FGF12: variants seen among roughly 807,000 people sequenced by gnomAD.
The protein encoded by FGF12 is fibroblast growth factor 12.
A neutral mutation model predicts 23.6 loss-of-function variants in FGF12; 14 were observed. That is an observed-to-expected ratio of 0.59 (90% CI 0.39 to 0.93). The LOEUF is 0.93. Among genes scored for constraint, FGF12 ranks in the 40% least tolerant of loss-of-function variants. The pLI, the probability that FGF12 is intolerant of heterozygous loss-of-function variation, is 0.00. For synonymous variants in FGF12, 62 were observed against 77.3 expected, an observed-to-expected ratio of 0.80 and a Z score of 1.04; for missense variants, 175 against 217.8, an observed-to-expected ratio of 0.80 and a Z score of 1.24.
intron 2 of FGF12, among the ~76,000 whole-genome samples, chr3:192,668,818 C>T (rs545941408): frequency 1.3e-5 from 2 of 152,152 alleles, no homozygotes; most frequent in South Asian, 4.2e-4. Flanking sequence ...CAACCAGATC[C>T]AACAAACAGG....
intron 2 of FGF12, among the ~76,000 whole-genome samples, chr3:192,660,775 A>C (rs1398374508): frequency 6.6e-6 from 1 of 151,804 alleles, no homozygotes; most frequent in Non-Finnish European, 1.5e-5. Context: ...CTTTGTACAA[A>C]TCTATTACAC....
chr3:192,430,407 C>T (rs1576976222), intron 2 of FGF12, among the ~76,000 whole-genome samples: 2 of 152,120 alleles, frequency 1.3e-5, no homozygotes, highest in Admixed American at 1.3e-4. Flanking sequence ...AGTTTCGGTT[C>T]TGCAAGATGA....
chr3:192,650,517 C>T (rs866037767), intron 2 of FGF12, among the ~76,000 whole-genome samples: 1 of 152,182 alleles, frequency 6.6e-6, no homozygotes, highest in Non-Finnish European at 1.5e-5. Flanking sequence ...TGTACTTGTG[C>T]CAACCCTATA....
intron 4 of FGF12, among the ~76,000 whole-genome samples, chr3:192,192,293 C>A (rs972038648): frequency 2.6e-5 from 4 of 151,778 alleles, no homozygotes; most frequent in Non-Finnish European, 5.9e-5. Flanking sequence ...GGGAAATTAT[C>A]TTTCTCTCAT....
chr3:192,278,844 A>C (rs1264122276), intron 4 of FGF12, among the ~76,000 whole-genome samples: 1 of 152,168 alleles, frequency 6.6e-6, no homozygotes, highest in Non-Finnish European at 1.5e-5. Context: ...CCAATCAAGT[A>C]ACAATTCTCT....
At position 192,394,907 on chromosome 3, in the gene FGF12, G is replaced by A. The variant is rs992335390; in HGVS notation, c.14-34369C>T. ...AGAACCTTTTCCATTAAACCCAATC[G>A]ATACTGTATTTCCCCATCACTTAGC... is the stretch of plus-strand genomic sequence containing the variant. On this transcript the variant is annotated intron_variant, in intron 2 of 5. Coordinates refer to ENST00000445105, the MANE Select transcript of FGF12 (RefSeq NM_004113.6). Among the ~76,000 whole-genome samples, 5 of 152,122 alleles carry A rather than the reference G, an allele frequency of 3.3e-5. No individual in the cohort carries two copies. The East Asian group carries it at 7.7e-4, about 23-fold the overall frequency.
intron 2 of FGF12, chr3:192,672,991 T>C (rs992735781): frequency 2.0e-5 from 3 of 150,728 alleles, no homozygotes; most frequent in Admixed American, 6.7e-5. Context: ...GCAGCTGTAG[T>C]GGTTTTGCAA....
intron 2 of FGF12, among the ~76,000 whole-genome samples, chr3:192,532,051 T>C (rs764221911): frequency 7.2e-5 from 11 of 152,204 alleles, no homozygotes; most frequent in Non-Finnish European, 1.5e-4. Context: ...TGAAGATCAA[T>C]TAGCTATAAG....
At chr3:192,700,720 T>C (rs1456482581) in intron 2 of FGF12, among the ~76,000 whole-genome samples, 1 of 152,108 alleles carries the variant, frequency 6.6e-6, no homozygotes, top group Non-Finnish European at 1.5e-5. Flanking sequence ...GGAACTCTAG[T>C]TTAGGCCATG....
intron 2 of FGF12, among the ~76,000 whole-genome samples, chr3:192,693,322 TTAA>T (rs1456568889): frequency 2.0e-5 from 3 of 152,194 alleles, no homozygotes; most frequent in Admixed American, 6.5e-5. Context: ...TATTGAAATA[TTAA>T]TAATGTTAAA....
intron 4 of FGF12, among the ~76,000 whole-genome samples, chr3:192,291,013 T>C (rs1409080944): frequency 2.6e-5 from 4 of 152,118 alleles, no homozygotes; most frequent in Admixed American, 2.6e-4. Context: ...TGTGTATTTA[T>C]CTATCTATCT....
chr3:192,574,312 T>A (rs529184355), intron 2 of FGF12, among the ~76,000 whole-genome samples: 2 of 152,236 alleles, frequency 1.3e-5, no homozygotes, highest in Admixed American at 6.5e-5. Flanking sequence ...GCCTGCTATA[T>A]AATGAAGCCT....
At chr3:192,394,702 T>C (rs1720447139) in intron 2 of FGF12, among the ~76,000 whole-genome samples, 1 of 152,200 alleles carries the variant, frequency 6.6e-6, no homozygotes, top group African/African-American at 2.4e-5. Context: ...TACCTTAGAC[T>C]GAATCAAAAA....
At chr3:192,618,079 T>C (rs1435716175) in intron 2 of FGF12, among the ~76,000 whole-genome samples, 1 of 152,112 alleles carries the variant, frequency 6.6e-6, no homozygotes, top group Non-Finnish European at 1.5e-5. Flanking sequence ...ATAAATCGCT[T>C]GGAATGGAAG....
Position 192,387,981 on chromosome 3 carries a change from C to A in FGF12, c.14-27443G>T, listed in dbSNP as rs1002055766. Reference sequence around the variant, plus strand: ...TTTATATAATTGAACATACATAAGGCCGGAGGGGTGTCTCACACCTGAATC... The same window carrying A: ...TTTATATAATTGAACATACATAAGGACGGAGGGGTGTCTCACACCTGAATC... On this transcript the variant is annotated intron_variant, in intron 2 of 5. Coordinates refer to ENST00000445105, the MANE Select transcript of FGF12 (RefSeq NM_004113.6). Among the ~76,000 whole-genome samples, 4 of 152,058 alleles carry A rather than the reference C, an allele frequency of 2.6e-5. 1 individual carries two copies. The highest frequency in any genetic ancestry group is 2.6e-4 in the Admixed American group (4 of 15,264).
intron 2 of FGF12, among the ~76,000 whole-genome samples, chr3:192,600,552 C>T (rs531194293): frequency 6.6e-6 from 1 of 151,928 alleles, no homozygotes; most frequent in Non-Finnish European, 1.5e-5. Context: ...ATTCATACAA[C>T]AGAAGATTAA....
At chr3:192,682,323 A>G (rs761729092) in intron 2 of FGF12, among the ~76,000 whole-genome samples, 11 of 152,098 alleles carry the variant, frequency 7.2e-5, no homozygotes, top group Non-Finnish European at 1.5e-4. Context: ...ATTGTTTCCC[A>G]TGTAAATTTT....
intron 2 of FGF12, among the ~76,000 whole-genome samples, chr3:192,546,945 G>A (rs532920021): frequency 2.0e-5 from 3 of 152,126 alleles, no homozygotes; most frequent in South Asian, 2.1e-4. Context: ...TAGCTACTTC[G>A]GAGGCTGCAG....
At chr3:192,488,242 T>C (rs1220765678) in intron 2 of FGF12, among the ~76,000 whole-genome samples, 3 of 152,106 alleles carry the variant, frequency 2.0e-5, no homozygotes, top group Non-Finnish European at 4.4e-5. Flanking sequence ...TCTTGAAACA[T>C]ACCAATAGAT....
Sources: allele counts gnomAD v4.1 joint callset (sites outside exome capture counted in the v4.1 genomes callset), GRCh38; gene constraint gnomAD v4.1.1; transcripts MANE v1.5; gene names NCBI Gene and HGNC (gene_info 2026-07-23, HGNC 2026-07-21).